NLGN4Y: variants seen among roughly 807,000 people sequenced by gnomAD.
The protein encoded by NLGN4Y is neuroligin 4 Y-linked.
Under a neutral mutation model 8.4 loss-of-function variants are expected in NLGN4Y, and 4 were observed. The ratio of observed to expected loss-of-function variants is 0.48; its 90% CI spans 0.23 to 1.09. NLGN4Y has a LOEUF of 1.09. Ranked by LOEUF, NLGN4Y falls within the 50% of genes least tolerant of loss-of-function variation. NLGN4Y has a pLI of 0.19. For missense variants in NLGN4Y, 90 were observed against 192.3 expected, an observed-to-expected ratio of 0.47 and a Z score of 3.15; for synonymous variants, 35 against 75.6, an observed-to-expected ratio of 0.46 and a Z score of 2.78.
intron 4 of NLGN4Y, among the ~76,000 whole-genome samples, chrY:14,817,861 G>A: frequency 2.8e-4 from 9 of 32,407 alleles, no homozygotes; most frequent in Admixed American, 1.7e-3. Flanking sequence ...TCTGTTGAGA[G>A]TGTAGAGGTA....
intron 4 of NLGN4Y, among the ~76,000 whole-genome samples, chrY:14,820,288 C>T: frequency 3.1e-5 from 1 of 32,729 alleles, no homozygotes; most frequent in Non-Finnish European, 7.5e-5. Flanking sequence ...CTGTAAGAGT[C>T]CTAAGCATTC....
At chrY:14,704,867 A>G (rs2080870163) in intron 2 of NLGN4Y, among the ~76,000 whole-genome samples, 1 of 32,688 alleles carries the variant, frequency 3.1e-5, no homozygotes, top group Non-Finnish European at 7.5e-5. Flanking sequence ...CAGAGATTCA[A>G]CTTCTTCATG....
At chrY:14,573,631 T>C in intron 1 of NLGN4Y, among the ~76,000 whole-genome samples, 1 of 33,498 alleles carries the variant, frequency 3.0e-5, no homozygotes, top group Admixed American at 2.8e-4. Flanking sequence ...TTTCTTGCCT[T>C]CTGCCAGCTT....
Position 14,844,009 on chromosome Y carries a change from T to C in NLGN4Y, c.*2747T>C. 8.4e-6 allele frequency: 1 copy of C among 119,390 alleles called. No homozygotes were observed. Among genetic ancestry groups the C allele is most frequent in the Non-Finnish European group, 1.8e-5 (1 of 55,719 alleles). The allele number at this position is 119,390 out of a possible 400,897, so 29.8% of individuals were successfully genotyped here. Reference sequence around the variant, plus strand: ...CTTTCTTGGTAGGTGGAATATTTTATTTACTTTTGCCATTCTTTGAATGCC... The same window carrying C: ...CTTTCTTGGTAGGTGGAATATTTTACTTACTTTTGCCATTCTTTGAATGCC... On this transcript the variant is annotated 3_prime_UTR_variant, in exon 7 of 7. Coordinates refer to ENST00000684976, the MANE Select transcript of NLGN4Y (RefSeq NM_001365588.1).
chrY:14,658,909 T>C (rs2080664498), intron 2 of NLGN4Y, among the ~76,000 whole-genome samples: 1 of 33,167 alleles, frequency 3.0e-5, no homozygotes, highest in African/African-American at 1.2e-4. Flanking sequence ...GCTGATTCTT[T>C]GTCTGGCGAG....
intron 2 of NLGN4Y, among the ~76,000 whole-genome samples, chrY:14,650,167 C>T: frequency 3.1e-5 from 1 of 32,553 alleles, no homozygotes; most frequent in Non-Finnish European, 7.5e-5. Flanking sequence ...CACCTAGGCA[C>T]ACAGGGGAGA....
intron 2 of NLGN4Y, among the ~76,000 whole-genome samples, chrY:14,708,973 C>T: frequency 3.0e-5 from 1 of 33,188 alleles, no homozygotes; most frequent in South Asian, 6.7e-4. Context: ...TGTCAGTGCT[C>T]ATGTGGAATA....
intron 5 of NLGN4Y, among the ~76,000 whole-genome samples, chrY:14,824,676 T>A (rs2043137486): frequency 3.0e-5 from 1 of 33,488 alleles, no homozygotes; most frequent in African/African-American, 1.2e-4. Context: ...GGTTAAATTT[T>A]AATTTTTATT....
At chrY:14,670,748 G>A in intron 2 of NLGN4Y, among the ~76,000 whole-genome samples, 3 of 33,525 alleles carry the variant, frequency 8.9e-5, no homozygotes, top group African/African-American at 3.5e-4. Context: ...CCTTGAAATT[G>A]TAGAGGCAAA....
At chrY:14,686,725 A>G (rs2080792856) in intron 2 of NLGN4Y, among the ~76,000 whole-genome samples, 1 of 32,466 alleles carries the variant, frequency 3.1e-5, no homozygotes, top group African/African-American at 1.2e-4. Context: ...CCTTCATCAC[A>G]TGAAATATTG....
Position 14,621,510 on chromosome Y carries a change from G to A in NLGN4Y, c.-111-499G>A. ...ATGTCAGGCATTGTTTCTGGTGATA[G>A]GATATACAGCCAGGATTAAGAAAAG... On this transcript the variant is annotated intron_variant, in intron 1 of 6. Coordinates refer to ENST00000684976, the MANE Select transcript of NLGN4Y (RefSeq NM_001365588.1). Among the ~76,000 whole-genome samples the A allele has an allele frequency of 8.9e-5, 3 of 33,659 alleles. No homozygotes were observed. In the South Asian group the frequency reaches 2.0e-3, roughly 23 times the overall value. The allele number at this position is 33,659 out of a possible 37,273, so 90.3% of individuals were successfully genotyped here.
At chrY:14,757,054 C>G (rs2150568615) in intron 4 of NLGN4Y, among the ~76,000 whole-genome samples, 1 of 28,533 alleles carries the variant, frequency 3.5e-5, no homozygotes, top group Admixed American at 3.5e-4. Context: ...GGCTTTTCTT[C>G]TGTTCTGAAA....
At chrY:14,768,451 C>T in intron 4 of NLGN4Y, among the ~76,000 whole-genome samples, 1 of 33,563 alleles carries the variant, frequency 3.0e-5, no homozygotes, top group African/African-American at 1.2e-4. Flanking sequence ...TGCAGAAATA[C>T]TTTAGGGAAG....
At chrY:14,721,775 TACAC>T (rs776389790) in intron 3 of NLGN4Y, among the ~76,000 whole-genome samples, 99 of 26,484 alleles carry the variant, frequency 3.7e-3, no homozygotes, top group Non-Finnish European at 4.0e-3. Context: ...ATTATTTGTA[TACAC>T]ACACACACAC....
intron 4 of NLGN4Y, among the ~76,000 whole-genome samples, chrY:14,773,643 G>C (rs2081115423): frequency 3.4e-4 from 11 of 32,786 alleles, no homozygotes; most frequent in Non-Finnish European, 7.5e-4. Context: ...AATAGCTGCA[G>C]GCATCACCTT....
chrY:14,826,484 G>A (rs2043147205), intron 5 of NLGN4Y, among the ~76,000 whole-genome samples: 1 of 31,710 alleles, frequency 3.2e-5, no homozygotes, highest in African/African-American at 1.2e-4. Flanking sequence ...GGGCTTACAG[G>A]TGACCATCAC....
chrY:14,622,853 T>C (rs2080516183), intron 2 of NLGN4Y, among the ~76,000 whole-genome samples: 1 of 33,767 alleles, frequency 3.0e-5, no homozygotes, highest in Non-Finnish European at 7.4e-5. Context: ...TTTTATAATT[T>C]TATTTGCAGA....
intron 4 of NLGN4Y, among the ~76,000 whole-genome samples, chrY:14,762,497 C>T: frequency 2.9e-5 from 1 of 33,962 alleles, no homozygotes; most frequent in Non-Finnish European, 7.4e-5. Context: ...GAAGTGGCAC[C>T]GAGTTGATCA....
At chrY:14,631,989 G>A (rs942611404) in intron 2 of NLGN4Y, among the ~76,000 whole-genome samples, 4 of 33,845 alleles carry the variant, frequency 1.2e-4, no homozygotes, top group Admixed American at 5.4e-4. Flanking sequence ...GTCTAAAATA[G>A]AGGTAGCTGA....
Sources: allele counts gnomAD v4.1 joint callset (sites outside exome capture counted in the v4.1 genomes callset), GRCh38; gene constraint gnomAD v4.1.1; transcripts MANE v1.5; gene names NCBI Gene and HGNC (gene_info 2026-07-23, HGNC 2026-07-21).